MAEL: variants seen among roughly 807,000 people sequenced by gnomAD.
MAEL encodes maelstrom spermatogenic transposon silencer.
Under a neutral mutation model 62.0 loss-of-function variants are expected in MAEL, and 46 were observed. That is an observed-to-expected ratio of 0.74 (90% CI 0.59 to 0.95). The LOEUF is 0.95. Ranked by LOEUF, MAEL falls within the 40% of genes least tolerant of loss-of-function variation. MAEL has a pLI of 0.00. For missense variants in MAEL, 497 were observed against 526.8 expected (o/e 0.94, Z 0.55); for synonymous variants, 172 against 175.5 (o/e 0.98, Z 0.16).
At chr1:167,015,536 A>G (rs1665353902) in intron 8 of MAEL, among the ~76,000 whole-genome samples, 3 of 152,206 alleles carry the variant, frequency 2.0e-5, no homozygotes, top group Non-Finnish European at 4.4e-5. Flanking sequence ...CTCATTGGAA[A>G]GATATACACA....
At chr1:167,015,063 A>G (rs1175631076) in intron 8 of MAEL, among the ~76,000 whole-genome samples, 1 of 152,216 alleles carries the variant, frequency 6.6e-6, no homozygotes, top group Admixed American at 6.5e-5. Flanking sequence ...CAAAACAGGG[A>G]GACCACAACT....
At chr1:166,994,146 A>T (rs1664306890) in intron 5 of MAEL, 77 bp downstream of exon 5, 1 of 1,256,336 alleles carries the variant, frequency 8.0e-7, no homozygotes, top group African/African-American at 1.5e-5. Flanking sequence ...TTTTACACAC[A>T]AACTATAAAA....
chr1:166,978,984 A>G (rs1663679579), intron 1 of MAEL, among the ~76,000 whole-genome samples: 1 of 152,236 alleles, frequency 6.6e-6, no homozygotes, highest in East Asian at 1.9e-4. Context: ...TCTACACTAG[A>G]GAACAGAATT....
At chr1:166,977,381 G>A (rs570728012) in intron 1 of MAEL, among the ~76,000 whole-genome samples, 3 of 152,184 alleles carry the variant, frequency 2.0e-5, no homozygotes, top group Non-Finnish European at 4.4e-5. Context: ...TCTAGGCAGA[G>A]TTCTACATGT....
At position 167,004,203 on chromosome 1, in the gene MAEL, A is replaced by G. The variant is rs367759111; in HGVS notation, c.547A>G (p.Ile183Val). ...AASDSSHKIP[I>V]SNFERGHNQA... is the part of the protein sequence containing the mutation. ...AGGTGATTCTAGTCACAAGATTCCT[A>G]TTTCAAATTTTGAACGTGGGCATAA... is the stretch of plus-strand genomic sequence containing the variant. Residue 183 changes from isoleucine to valine, a missense_variant, in exon 6 of 12, where the codon ATT becomes GTT. Coordinates refer to ENST00000367872, the MANE Select transcript of MAEL (RefSeq NM_032858.3). 2.5e-6 allele frequency: 4 copies of G among 1,609,494 alleles called. No homozygotes were observed. Among genetic ancestry groups the G allele is most frequent in the African/African-American group, 2.7e-5 (2 of 74,700 alleles).
At chr1:166,986,782 ATAAACT>A (rs1663927599), upstream of MAEL, among the ~76,000 whole-genome samples, 3 of 152,352 alleles carry the variant, frequency 2.0e-5, no homozygotes, top group East Asian at 5.8e-4. Context: ...GAAGGAATTA[ATAAACT>A]TAAGGCAGAA....
chr1:166,996,034 A>C (rs777438717), intron 5 of MAEL, among the ~76,000 whole-genome samples: 27 of 152,236 alleles, frequency 1.8e-4, no homozygotes, highest in Non-Finnish European at 3.5e-4. Context: ...GGAAACTTAA[A>C]ATGTTTGGAG....
intron 5 of MAEL, among the ~76,000 whole-genome samples, chr1:166,996,419 G>A (rs1664429035): frequency 6.6e-6 from 1 of 152,166 alleles, no homozygotes; most frequent in Non-Finnish European, 1.5e-5. Flanking sequence ...TTTTTCTTGA[G>A]AGAAATTCTG....
At chr1:167,018,720 T>A (rs890643687) in intron 10 of MAEL, among the ~76,000 whole-genome samples, 3 of 152,204 alleles carry the variant, frequency 2.0e-5, no homozygotes, top group African/African-American at 7.2e-5. Flanking sequence ...TAGTTAATTA[T>A]GCTGAACAAA....
intron 8 of MAEL, among the ~76,000 whole-genome samples, chr1:167,008,905 G>A (rs1665044646): frequency 2.0e-5 from 3 of 151,942 alleles, no homozygotes; most frequent in East Asian, 1.9e-4. Flanking sequence ...ATCAGAAAGT[G>A]TTTATAATAT....
exon 1 of MAEL, chr1:166,975,588 T>TCCCGCGCCTCCGCCCCGCCG (rs1166527646): frequency 1.4e-5 from 2 of 142,920 alleles, no homozygotes; most frequent in African/African-American, 5.1e-5. Flanking sequence ...CCGCACCGCC[T>TCCCGCGCCTCCGCCCCGCCG]CCCGCGCCTC....
At chr1:166,980,630 T>C (rs1053249882) in intron 1 of MAEL, among the ~76,000 whole-genome samples, 3 of 152,240 alleles carry the variant, frequency 2.0e-5, no homozygotes, top group Non-Finnish European at 4.4e-5. Flanking sequence ...ATAATTTCTC[T>C]GAAAGTTACA....
chr1:166,989,677 G>A, intron 1 of MAEL, 60 bp from the exon 2 acceptor site: 6 of 1,543,188 alleles, frequency 3.9e-6, no homozygotes, highest in Non-Finnish European at 3.5e-6. Context: ...CTGCCTGCGG[G>A]CCCTAGAGCA....
upstream of MAEL, among the ~76,000 whole-genome samples, chr1:166,988,846 C>G (rs574927984): frequency 1.3e-5 from 2 of 152,210 alleles, no homozygotes; most frequent in East Asian, 3.9e-4. Flanking sequence ...TGTTGCTTCA[C>G]TGGTTTTTGT....
chr1:166,992,573 A>C, intron 3 of MAEL, 113 bp from the exon 4 acceptor site: 1 of 696,492 alleles, frequency 1.4e-6, no homozygotes, highest in South Asian at 2.3e-5. Context: ...GGAATATAGG[A>C]ACAGAAAGAA....
chr1:166,997,483 G>A (rs1227497813), intron 5 of MAEL, among the ~76,000 whole-genome samples: 2 of 152,082 alleles, frequency 1.3e-5, no homozygotes, highest in Non-Finnish European at 2.9e-5. Flanking sequence ...TTTGTGTCTT[G>A]TATTTTTTAC....
intron 5 of MAEL, among the ~76,000 whole-genome samples, chr1:166,998,442 C>T (rs1405299451): frequency 1.3e-5 from 2 of 152,130 alleles, no homozygotes; most frequent in Admixed American, 6.6e-5. Context: ...TTTTGTCCCA[C>T]CCATTGGTAA....
At chr1:166,978,649 T>A (rs761906562) in intron 1 of MAEL, among the ~76,000 whole-genome samples, 9 of 152,182 alleles carry the variant, frequency 5.9e-5, no homozygotes, top group Non-Finnish European at 1.2e-4. Flanking sequence ...CCCCAGGTGC[T>A]TCCAATGCAC....
chr1:167,000,388 A>G (rs1043355177), intron 5 of MAEL, among the ~76,000 whole-genome samples: 2 of 152,224 alleles, frequency 1.3e-5, no homozygotes, highest in Non-Finnish European at 2.9e-5. Context: ...CTAGAATTAG[A>G]AATGGAACCT....
Sources: gnomAD v4.1 joint callset for allele counts (sites outside exome capture counted in the v4.1 genomes callset) on GRCh38, gnomAD v4.1.1 for gene constraint, MANE v1.5 for transcripts, NCBI Gene and HGNC (gene_info 2026-07-23, HGNC 2026-07-21) for gene names.